The following FRMD4B variants were observed in gnomAD, a reference collection of about 807,000 sequenced individuals.
The protein encoded by FRMD4B is FERM domain-containing protein 4B.
FRMD4B carries 74 observed loss-of-function variants against 141.5 expected under a neutral mutation model. The ratio of observed to expected loss-of-function variants is 0.52; its 90% CI spans 0.43 to 0.63. The LOEUF (loss-of-function observed/expected upper bound fraction) is 0.63, where lower values mean the gene tolerates loss of function less well. Among genes scored for constraint, FRMD4B ranks in the 30% least tolerant of loss-of-function variants. The pLI is 0.00. For synonymous variants in FRMD4B, 506 were observed against 467.9 expected (o/e 1.08, Z -1.05); for missense variants, 1,366 against 1,253.4 (o/e 1.09, Z -1.36).
intron 1 of FRMD4B, among the ~76,000 whole-genome samples, chr3:69,351,128 T>C (rs1376741456): frequency 6.6e-6 from 1 of 152,200 alleles, no homozygotes. Context: ...CTTCCTTTCT[T>C]AGATTGCTGT....
At chr3:69,500,026 G>T (rs1575592349) in intron 1 of FRMD4B, among the ~76,000 whole-genome samples, 1 of 152,212 alleles carries the variant, frequency 6.6e-6, no homozygotes, top group East Asian at 1.9e-4. Context: ...CTGGACCGTG[G>T]TCAAGGACAT....
chr3:69,190,069 G>A (rs2092820115), intron 17 of FRMD4B, 117 bp from the exon 18 acceptor site: 1 of 629,950 alleles, frequency 1.6e-6, no homozygotes, highest in Non-Finnish European at 2.9e-6. Context: ...ATTAATTACA[G>A]TGCATTAAGA....
chr3:69,495,222 G>GAGACA (rs963991723), intron 1 of FRMD4B, among the ~76,000 whole-genome samples: 1 of 152,164 alleles, frequency 6.6e-6, no homozygotes, highest in Non-Finnish European at 1.5e-5. Context: ...CTTTACTGTA[G>GAGACA]AGACAAGAAC....
intron 1 of FRMD4B, among the ~76,000 whole-genome samples, chr3:69,478,532 T>C (rs1237797815): frequency 2.6e-5 from 4 of 152,236 alleles, no homozygotes; most frequent in Non-Finnish European, 4.4e-5. Flanking sequence ...AGTTTCTTAA[T>C]CCTGAGTTCT....
Position 69,445,794 on chromosome 3 carries a change from C to T in FRMD4B, c.-128-13033G>A, listed in dbSNP as rs189777008. ...GCATGACCTTCCCAGATCACTATAT[C>T]CTAAATAGTATTAAGCTACGTTTGT... is the stretch of plus-strand genomic sequence containing the variant. On this transcript the variant is annotated intron_variant, in intron 1 of 5. Transcript: ENST00000459638. Among the ~76,000 whole-genome samples, 146 of 152,260 alleles carry T rather than the reference C, an allele frequency of 9.6e-4. 2 individuals are homozygous for T. In the Middle Eastern group the frequency reaches 0.034, roughly 35 times the overall value.
intron 2 of FRMD4B, among the ~76,000 whole-genome samples, chr3:69,400,195 G>A (rs1303175239): frequency 1.3e-5 from 2 of 151,672 alleles, no homozygotes; most frequent in Admixed American, 1.3e-4. Flanking sequence ...AGACCAGCAT[G>A]GGCAACATAC....
intron 19 of FRMD4B, among the ~76,000 whole-genome samples, chr3:69,183,695 G>GAT (rs1461269938): frequency 6.6e-6 from 1 of 151,820 alleles, no homozygotes; most frequent in Non-Finnish European, 1.5e-5. Context: ...TGTTAGCCAG[G>GAT]ATGGTCTCGA....
chr3:69,329,091 T>C (rs1374184083), intron 1 of FRMD4B, among the ~76,000 whole-genome samples: 1 of 152,170 alleles, frequency 6.6e-6, no homozygotes, highest in Non-Finnish European at 1.5e-5. Context: ...GAGAAACATT[T>C]ACCAGCATAC....
In FRMD4B at chr3:69,215,284, C is replaced by CTTTTTTTT. The variant is rs577275162; in HGVS notation, c.876+971_876+978dup. ...TCCAAATCTGATAGATTGTGACCCT[C>CTTTTTTTT]TTTTTTTTTTTTTTTTTTTTTTTTT... On this transcript the variant is annotated intron_variant, in intron 11 of 22. Transcript: ENST00000398540. Among the ~76,000 whole-genome samples the CTTTTTTTT allele has an allele frequency of 1.1e-3, 48 of 45,224 alleles. 15 individuals carry two copies. The highest frequency in any genetic ancestry group is 1.8e-3 in the Admixed American group (4 of 2,264). The allele number at this position is 45,224 out of a possible 152,430, so 29.7% of individuals were successfully genotyped here. A position where few individuals can be genotyped will look rare whatever the true frequency, so the allele number is the denominator to read the frequency against.
chr3:69,474,598 T>C (rs1358565240), intron 1 of FRMD4B, among the ~76,000 whole-genome samples: 3 of 152,188 alleles, frequency 2.0e-5, no homozygotes, highest in Non-Finnish European at 4.4e-5. Flanking sequence ...TCATATATTA[T>C]TACAACAGCA....
intron 1 of FRMD4B, among the ~76,000 whole-genome samples, chr3:69,541,706 T>G (rs148461459): frequency 6.6e-6 from 1 of 152,030 alleles, no homozygotes; most frequent in South Asian, 2.1e-4. Context: ...CTCTCCAACA[T>G]AGGAGCGGCT....
upstream of FRMD4B, among the ~76,000 whole-genome samples, chr3:69,387,874 C>A (rs1704296981): frequency 6.6e-6 from 1 of 151,900 alleles, no homozygotes; most frequent in Admixed American, 6.6e-5. Context: ...GATTTGCAAA[C>A]CTTTCTTCAC....
In FRMD4B at chr3:69,180,299, A is replaced by G. The variant is rs374910785; in HGVS notation, c.2851+600T>C. On this transcript the variant is annotated intron_variant, in intron 21 of 22. Transcript: ENST00000398540. The stretch of plus-strand genomic sequence containing the variant: ...AATTACTTAGAACAGTGCTTAATCA[A>G]TGCCAGCTCCTATAAGGATTCTTAC... Among the ~76,000 whole-genome samples the G allele has an allele frequency of 1.1e-3, 168 of 151,446 alleles. 1 individual carries two copies. The highest frequency in any genetic ancestry group is 3.4e-3 in the African/African-American group (139 of 41,322).
chr3:69,304,616 T>A (rs1311517369), intron 3 of FRMD4B, among the ~76,000 whole-genome samples: 1 of 152,166 alleles, frequency 6.6e-6, no homozygotes, highest in Non-Finnish European at 1.5e-5. Flanking sequence ...CTCACCAAGT[T>A]CATAAACAGT....
chr3:69,269,385 C>T (rs1575676678), intron 5 of FRMD4B, among the ~76,000 whole-genome samples: 1 of 151,878 alleles, frequency 6.6e-6, no homozygotes, highest in African/African-American at 2.4e-5. Context: ...TGTTATCACC[C>T]TCCCCCTTCA....
At chr3:69,384,604 G>T (rs13070593) in intron 1 of FRMD4B, among the ~76,000 whole-genome samples, 3,386 of 152,282 alleles carry the variant, frequency 0.022, 42 homozygotes, top group African/African-American at 0.034. Context: ...CCCACATGCT[G>T]CCCTGGTTCC....
intron 1 of FRMD4B, among the ~76,000 whole-genome samples, chr3:69,469,156 G>A (rs1261963531): frequency 3.3e-5 from 5 of 152,098 alleles, no homozygotes; most frequent in South Asian, 2.1e-4. Context: ...AGGGAGGCTC[G>A]GGGATGTAGT....
chr3:69,490,051 T>A (rs1706277342), intron 1 of FRMD4B, among the ~76,000 whole-genome samples: 1 of 152,150 alleles, frequency 6.6e-6, no homozygotes. Context: ...GACGAATGGC[T>A]GTCTAGGGCT....
chr3:69,413,017 G>A (rs9878874), intron 2 of FRMD4B, among the ~76,000 whole-genome samples: 101,828 of 151,648 alleles, frequency 0.67, 34,698 homozygotes, highest in East Asian at 0.86. Flanking sequence ...TTGTCCCACT[G>A]CTGTAGTCTA....
Sources: allele counts gnomAD v4.1 joint callset (sites outside exome capture counted in the v4.1 genomes callset), GRCh38; gene constraint gnomAD v4.1.1; transcripts MANE v1.5; gene names NCBI Gene and HGNC (gene_info 2026-07-23, HGNC 2026-07-21).